MINDY4: variants seen among roughly 807,000 people sequenced by gnomAD.
MINDY4 encodes the protein probable ubiquitin carboxyl-terminal hydrolase MINDY-4.
Under a neutral mutation model 87.0 loss-of-function variants are expected in MINDY4, and 68 were observed. The ratio of observed to expected loss-of-function variants is 0.78; its 90% CI spans 0.64 to 0.96. The LOEUF is 0.96. Among genes scored for constraint, MINDY4 ranks in the 40% least tolerant of loss-of-function variants. The pLI is 0.00. For synonymous variants in MINDY4, 379 were observed against 363.2 expected (o/e 1.04, Z -0.50); for missense variants, 919 against 928.2 (o/e 0.99, Z 0.13).
chr7:30,837,413 T>C (rs1410060339), intron 7 of MINDY4, among the ~76,000 whole-genome samples: 2 of 152,202 alleles, frequency 1.3e-5, no homozygotes, highest in African/African-American at 4.8e-5. Context: ...ATAAAACTCC[T>C]AGGGACACAG....
At chr7:30,817,092 A>C (rs1788173774) in intron 5 of MINDY4, among the ~76,000 whole-genome samples, 1 of 152,206 alleles carries the variant, frequency 6.6e-6, no homozygotes, top group African/African-American at 2.4e-5. Context: ...AGGGAGGTAG[A>C]GGAAGCCCCT....
In MINDY4 at chr7:30,829,303, T is replaced by C. The variant is rs531917371; in HGVS notation, c.1132+566T>C. ...AGCAAACTTTTTTTCTCTCTCTTTC[T>C]GTAATTCCCTACTCTCCAAAGACAT... On this transcript the variant is annotated intron_variant, in intron 6 of 17. Coordinates refer to ENST00000265299, the MANE Select transcript of MINDY4 (RefSeq NM_032222.3). Among the ~76,000 whole-genome samples, 34 of 152,368 alleles carry C rather than the reference T, an allele frequency of 2.2e-4. 1 individual carries two copies. In the South Asian group the frequency reaches 6.6e-3, roughly 30 times the overall value.
intron 5 of MINDY4, among the ~76,000 whole-genome samples, chr7:30,820,469 C>A (rs903079515): frequency 3.3e-5 from 5 of 152,262 alleles, no homozygotes; most frequent in Admixed American, 6.5e-5. Context: ...AGTTCTAGAA[C>A]ATCTTCATTT....
intron 5 of MINDY4, among the ~76,000 whole-genome samples, chr7:30,815,298 CTGGGCTCTTACACCATCCT>C (rs1463867598): frequency 2.6e-5 from 4 of 152,230 alleles, no homozygotes; most frequent in African/African-American, 9.6e-5. Context: ...CCTTTCCATC[CTGGGCTCTTACACCATCCT>C]TGGGAGGCAG....
intron 6 of MINDY4, among the ~76,000 whole-genome samples, chr7:30,830,636 G>A (rs1562545582): frequency 6.6e-6 from 1 of 152,108 alleles, no homozygotes; most frequent in Non-Finnish European, 1.5e-5. Context: ...ATAGCATGAG[G>A]GTAACCGCCC....
chr7:30,881,848 C>G (rs1790471219), intron 15 of MINDY4, among the ~76,000 whole-genome samples: 2 of 152,004 alleles, frequency 1.3e-5, no homozygotes, highest in African/African-American at 4.8e-5. Context: ...GAGTAGATCT[C>G]AGGAGGAAAG....
At chr7:30,864,520 C>G (rs868653095) in intron 13 of MINDY4, among the ~76,000 whole-genome samples, 6 of 152,262 alleles carry the variant, frequency 3.9e-5, no homozygotes, top group Non-Finnish European at 5.9e-5. Flanking sequence ...TGTCTCTTCA[C>G]TTTTGGCTCC....
At chr7:30,838,171 GC>G in intron 7 of MINDY4, among the ~76,000 whole-genome samples, 1 of 152,280 alleles carries the variant, frequency 6.6e-6, no homozygotes, top group African/African-American at 2.4e-5. Context: ...GGGACCTGCT[GC>G]CTTTCTCATC....
In MINDY4 at chr7:30,882,175, A is replaced by G; in HGVS notation, c.1972-6A>G. 1 of 1,601,988 alleles carries G rather than the reference A, an allele frequency of 6.2e-7. No homozygotes were observed. Among genetic ancestry groups the G allele is most frequent in the African/African-American group, 1.3e-5 (1 of 74,760 alleles). On this transcript the variant is annotated splice_polypyrimidine_tract_variant and splice_region_variant and intron_variant, in intron 15 of 17. Transcript: ENST00000265299. ...GCATTTCACATCAGGCCTCTCCCTC[A>G]TCCAGGTTGGCTGCTTCCTGAAGAC...
chr7:30,788,649 A>T (rs1297147734), intron 4 of MINDY4, among the ~76,000 whole-genome samples: 1 of 152,210 alleles, frequency 6.6e-6, no homozygotes, highest in African/African-American at 2.4e-5. Context: ...CCTTGAGGTG[A>T]CAGGCTCAAC....
At chr7:30,811,262 G>C (rs1026458826) in intron 5 of MINDY4, among the ~76,000 whole-genome samples, 6 of 152,194 alleles carry the variant, frequency 3.9e-5, no homozygotes, top group Non-Finnish European at 8.8e-5. Context: ...CCTGTGGAAA[G>C]ACTCAGCTGC....
intron 3 of MINDY4, among the ~76,000 whole-genome samples, chr7:30,782,880 C>A (rs1252216305): frequency 6.6e-6 from 1 of 152,104 alleles, no homozygotes; most frequent in African/African-American, 2.4e-5. Flanking sequence ...AAGGCCTTCA[C>A]CTGATAGGAT....
chr7:30,855,410 G>A (rs1490832931), intron 12 of MINDY4, among the ~76,000 whole-genome samples: 2 of 152,232 alleles, frequency 1.3e-5, no homozygotes, highest in African/African-American at 4.8e-5. Context: ...AGAGCCTGAT[G>A]GCATCCGTGT....
In MINDY4 at chr7:30,828,742, G is replaced by C; in HGVS notation, c.1132+5G>C. ...AGCTGGGTGCCCTGCGGCTCGGTAG[G>C]TGCAGCGGGTGCCTCTGTGCTGTGC... On this transcript the variant is annotated splice_donor_5th_base_variant and intron_variant, in intron 6 of 17. Transcript: ENST00000265299. 6.2e-7 allele frequency: 1 copy of C among 1,611,688 alleles called. No homozygotes were observed. Among genetic ancestry groups the C allele is most frequent in the Non-Finnish European group, 8.5e-7 (1 of 1,179,990 alleles).
chr7:30,795,162 C>T (rs184550878), intron 5 of MINDY4, among the ~76,000 whole-genome samples: 10 of 152,236 alleles, frequency 6.6e-5, no homozygotes, highest in Non-Finnish European at 1.0e-4. Flanking sequence ...TCTGGACCTG[C>T]AGATGGCCAC....
intron 3 of MINDY4, among the ~76,000 whole-genome samples, chr7:30,785,041 ACT>A (rs1478275723): frequency 7.7e-6 from 1 of 129,926 alleles, no homozygotes; most frequent in Non-Finnish European, 1.7e-5. Context: ...GTTCTTTCTC[ACT>A]CTGTGCTTAT....
chr7:30,840,717 C>T (rs1178265543), intron 8 of MINDY4, 43 bp from the exon 9 acceptor site: 2 of 1,592,130 alleles, frequency 1.3e-6, no homozygotes, highest in East Asian at 2.2e-5. Context: ...AAACTCTGCC[C>T]CAGGCCAGTT....
Position 30,791,447 on chromosome 7 carries a change from G to A in MINDY4, c.946G>A (p.Val316Met). 6.2e-7 allele frequency: 1 copy of A among 1,614,106 alleles called. No individual in the cohort carries two copies. The highest frequency in any genetic ancestry group is 8.5e-7 in the Non-Finnish European group (1 of 1,180,020). The change falls in exon 5 of 18, where the codon GTG becomes ATG. Residue 316 changes from valine to methionine, a missense_variant. Coordinates refer to ENST00000265299, the MANE Select transcript of MINDY4 (RefSeq NM_032222.3). The part of the protein sequence containing the change: ...PRDPSEDTPA[V>M]DGSTDTDRMP... ...GGATCCCTCCGAGGACACCCCAGCAGTGGACGGCAGCACAGACACGGACAG... is the reference window on the plus strand; with the variant it reads ...GGATCCCTCCGAGGACACCCCAGCAATGGACGGCAGCACAGACACGGACAG...
At chr7:30,781,952 A>G in intron 2 of MINDY4, 25 bp from the exon 3 acceptor site, 1 of 1,508,342 alleles carries the variant, frequency 6.6e-7, no homozygotes, top group Non-Finnish European at 9.2e-7. Context: ...TAAATTAATG[A>G]TTTTTTTTTC....
Sources: gnomAD v4.1 joint callset for allele counts (sites outside exome capture counted in the v4.1 genomes callset) on GRCh38, gnomAD v4.1.1 for gene constraint, MANE v1.5 for transcripts, NCBI Gene and HGNC (gene_info 2026-07-23, HGNC 2026-07-21) for gene names.